Variants in BAZ2B observed in about 807,000 individuals in gnomAD.
BAZ2B encodes bromodomain adjacent to zinc finger domain 2B.
BAZ2B carries 91 observed loss-of-function variants against 246.0 expected under a neutral mutation model. The ratio of observed to expected loss-of-function variants is 0.37; its 90% CI spans 0.31 to 0.44. The LOEUF is 0.44. Among genes scored for constraint, BAZ2B ranks in the 20% least tolerant of loss-of-function variants. The pLI is 1.00. For missense variants in BAZ2B, 2,332 were observed against 2,533.7 expected (o/e 0.92, Z 1.71); for synonymous variants, 855 against 860.0 (o/e 0.99, Z 0.10).
chr2:159,337,884 C>T (rs185436846), intron 31 of BAZ2B, 112 bp from the exon 32 acceptor site: 250 of 1,032,886 alleles, frequency 2.4e-4, no homozygotes, highest in Admixed American at 1.8e-3. Context: ...AGGATTGTTA[C>T]TAAAAGATTT....
At chr2:159,659,359 G>C in the BAZ2B span, among the ~76,000 whole-genome samples, 40 of 152,102 alleles carry the variant, frequency 2.6e-4, no homozygotes, top group Non-Finnish European at 5.3e-4. Context: ...CAAATATTTA[G>C]TGTCCTTTGT....
chr2:159,682,736 C>A, the BAZ2B span, among the ~76,000 whole-genome samples: 1 of 152,276 alleles, frequency 6.6e-6, no homozygotes, highest in Admixed American at 6.5e-5. Flanking sequence ...CCAGGGTTGA[C>A]TAATTCATCA....
the BAZ2B span, among the ~76,000 whole-genome samples, chr2:159,655,869 C>T: frequency 6.6e-6 from 1 of 152,050 alleles, no homozygotes; most frequent in African/African-American, 2.4e-5. Flanking sequence ...TTATGTTTCC[C>T]ATTACTTCTT....
At chr2:159,340,763 G>A (rs923821775) in intron 31 of BAZ2B, among the ~76,000 whole-genome samples, 4 of 152,018 alleles carry the variant, frequency 2.6e-5, no homozygotes, top group Non-Finnish European at 4.4e-5. Context: ...AATGCTCAAG[G>A]ACTCCTATAT....
the BAZ2B span, among the ~76,000 whole-genome samples, chr2:159,651,724 C>A: frequency 6.6e-6 from 1 of 152,060 alleles, no homozygotes; most frequent in Admixed American, 6.6e-5. Flanking sequence ...TACTGACTCC[C>A]CTCTTCCCCC....
chr2:159,680,332 A>G, the BAZ2B span, among the ~76,000 whole-genome samples: 1 of 152,224 alleles, frequency 6.6e-6, no homozygotes, highest in South Asian at 2.1e-4. Flanking sequence ...CTTGACAATA[A>G]GTCTGTGCTT....
chr2:159,370,580 AC>A (rs1204848053), intron 27 of BAZ2B, among the ~76,000 whole-genome samples: 1 of 151,476 alleles, frequency 6.6e-6, no homozygotes, highest in Non-Finnish European at 1.5e-5. Context: ...CACCACGTTA[AC>A]CAGGATGGTC....
the BAZ2B span, among the ~76,000 whole-genome samples, chr2:159,661,029 T>C: frequency 2.0e-5 from 3 of 152,212 alleles, no homozygotes; most frequent in East Asian, 1.9e-4. Flanking sequence ...ATAATCAACA[T>C]AGTGAATATA....
intron 1 of BAZ2B, among the ~76,000 whole-genome samples, chr2:159,604,834 T>A (rs894560343): frequency 6.6e-6 from 1 of 152,218 alleles, no homozygotes; most frequent in Non-Finnish European, 1.5e-5. Context: ...ATTAAAAATA[T>A]GAGAAATAAC....
At chr2:159,481,057 C>G (rs889121784) in intron 2 of BAZ2B, among the ~76,000 whole-genome samples, 1 of 110,916 alleles carries the variant, frequency 9.0e-6, no homozygotes, top group Non-Finnish European at 1.9e-5. Context: ...TCATCTTACA[C>G]ATACCCTTTT....
chr2:159,422,128 T>C (rs1211271346), intron 13 of BAZ2B, among the ~76,000 whole-genome samples: 2 of 152,214 alleles, frequency 1.3e-5, no homozygotes, highest in East Asian at 1.9e-4. Flanking sequence ...TCCATGCTCA[T>C]GGATAGGAAG....
At chr2:159,344,543 A>AG (rs2067409627) in intron 31 of BAZ2B, among the ~76,000 whole-genome samples, 1 of 151,558 alleles carries the variant, frequency 6.6e-6, no homozygotes, top group Non-Finnish European at 1.5e-5. Context: ...TCAAAAAAAA[A>AG]AAAAGAAAAG....
intron 25 of BAZ2B, among the ~76,000 whole-genome samples, chr2:159,380,123 C>A (rs1023337082): frequency 2.0e-5 from 3 of 152,082 alleles, no homozygotes; most frequent in Non-Finnish European, 4.4e-5. Context: ...GAACCTTATA[C>A]CACAGTGCTT....
At chr2:159,529,004 C>A (rs973505596) in intron 2 of BAZ2B, among the ~76,000 whole-genome samples, 52 of 151,140 alleles carry the variant, frequency 3.4e-4, no homozygotes, top group African/African-American at 1.2e-3. Context: ...AGGAGATATA[C>A]CTAATGTAAA....
intron 14 of BAZ2B, 49 bp downstream of exon 14, chr2:159,412,286 G>A (rs758915732): frequency 3.9e-6 from 6 of 1,547,168 alleles, no homozygotes; most frequent in Middle Eastern, 1.7e-4. Context: ...AATACTTTTA[G>A]TATACTTTTT....
chr2:159,503,123 T>A (rs1212318261), intron 2 of BAZ2B, among the ~76,000 whole-genome samples: 5 of 152,164 alleles, frequency 3.3e-5, no homozygotes, highest in Non-Finnish European at 7.3e-5. Flanking sequence ...CAGTAATCTT[T>A]TTAATATAAA....
chr2:159,582,903 CAA>C (rs1219535221), intron 1 of BAZ2B, among the ~76,000 whole-genome samples: 1 of 151,970 alleles, frequency 6.6e-6, no homozygotes, highest in African/African-American at 2.4e-5. Flanking sequence ...AATATCAACC[CAA>C]GAGAATTTTT....
intron 1 of BAZ2B, among the ~76,000 whole-genome samples, chr2:159,566,896 A>G (rs1682731148): frequency 6.6e-6 from 1 of 152,166 alleles, no homozygotes; most frequent in African/African-American, 2.4e-5. Flanking sequence ...AATGCAAACT[A>G]AGGAAACGGA....
At chr2:159,603,750 C>T (rs990576053) in intron 1 of BAZ2B, among the ~76,000 whole-genome samples, 3 of 151,670 alleles carry the variant, frequency 2.0e-5, no homozygotes, top group African/African-American at 7.3e-5. Context: ...TCCACTGAAA[C>T]TATTAATGCC....
Sources: allele counts gnomAD v4.1 joint callset (sites outside exome capture counted in the v4.1 genomes callset), GRCh38; gene constraint gnomAD v4.1.1; transcripts MANE v1.5; gene names NCBI Gene and HGNC (gene_info 2026-07-23, HGNC 2026-07-21).